The following KIRREL3 variants were observed in gnomAD, a reference collection of about 807,000 sequenced individuals.
KIRREL3 encodes the protein kirre like nephrin family adhesion molecule 3, also known as kin of IRRE-like protein 3.
Under a neutral mutation model 89.7 loss-of-function variants are expected in KIRREL3, and 36 were observed. The observed-to-expected ratio is 0.40, with a 90% CI of 0.31 to 0.53. KIRREL3 has a LOEUF of 0.53. Among genes scored for constraint, KIRREL3 ranks in the 20% least tolerant of loss-of-function variants. The probability of loss-of-function intolerance (pLI) is 0.49; values close to 1 mark genes in which losing one functional copy is unlikely to be tolerated. For synonymous variants in KIRREL3, 445 were observed against 441.4 expected (o/e 1.01, Z -0.10); for missense variants, 864 against 1,056.6 (o/e 0.82, Z 2.53).
At position 126,883,005 on chromosome 11, in the gene KIRREL3, C is replaced by A. The variant is rs1189527299; in HGVS notation, c.55+117450G>T. On this transcript the variant is annotated intron_variant, in intron 1 of 16. Transcript: ENST00000525144. This position sits in a 1 kb window ranked among gnomAD's most constrained non-coding sequence, Gnocchi z 4.1. The stretch of plus-strand genomic sequence containing the variant: ...TGCCTGCTGAGCCCCTCTGCCAGTA[C>A]TCTAACTTCAATGGATGTGCATGAT... Among the ~76,000 whole-genome samples, 1 of 152,206 alleles carries A rather than the reference C, an allele frequency of 6.6e-6. No individual in the cohort carries two copies. Among genetic ancestry groups the A allele is most frequent in the Non-Finnish European group, 1.5e-5 (1 of 68,046 alleles).
At position 126,985,801 on chromosome 11, in the gene KIRREL3, C is replaced by G. The variant is rs528159681; in HGVS notation, c.55+14654G>C. 6.6e-6 allele frequency among the ~76,000 whole-genome samples: 1 copy of G among 152,302 alleles called. No individual in the cohort carries two copies. Among genetic ancestry groups the G allele is most frequent in the South Asian group, 2.1e-4 (1 of 4,822 alleles). On this transcript the variant is annotated intron_variant, in intron 1 of 16. Transcript: ENST00000525144. This position sits in a 1 kb window ranked among gnomAD's most constrained non-coding sequence, Gnocchi z 5.3. ...GCAAAGCTGATGATTTGGTTATTGT[C>G]ACAGCGGAGCTACTGACATAGTTCA...
chr11:126,824,771 A>C (rs1333001000), intron 1 of KIRREL3, among the ~76,000 whole-genome samples: 1 of 152,326 alleles, frequency 6.6e-6, no homozygotes, highest in Non-Finnish European at 1.5e-5. Flanking sequence ...CCTGAGAGGA[A>C]GCAATCAGAT....
chr11:127,000,738 G>A lies in KIRREL3; in HGVS notation c.-229C>T. ...CCGCCTCGGGAAGCCGGGATTGTCA[G>A]CAATGTCCCCACTCGGAGAAGATCC... On this transcript the variant is annotated 5_prime_UTR_variant, in exon 1 of 17. Transcript: ENST00000525144. The surrounding 1 kb of genome is among the most constrained non-coding windows in gnomAD (Gnocchi z 7.1). 2 of 538,842 alleles carry A rather than the reference G, an allele frequency of 3.7e-6. No individual in the cohort carries two copies. Among genetic ancestry groups the A allele is most frequent in the Admixed American group, 3.3e-5 (1 of 30,002 alleles). 33.4% of individuals were successfully genotyped at this position (538,842 alleles called of 1,614,324 possible).
At chr11:126,803,157 C>T (rs781540462) in intron 1 of KIRREL3, among the ~76,000 whole-genome samples, 15 of 152,170 alleles carry the variant, frequency 9.9e-5, no homozygotes, top group Non-Finnish European at 1.8e-4. Flanking sequence ...ACTGATTAAA[C>T]GCAACATATG....
In KIRREL3 at chr11:126,892,233, G is replaced by A. The variant is rs1164407751; in HGVS notation, c.55+108222C>T. The stretch of plus-strand genomic sequence containing the variant: ...AGCTAAGAGGGGCTGCCATGCCTGA[G>A]GGTGGTCCCTGCCTGCTCTGTTTTC... On this transcript the variant is annotated intron_variant, in intron 1 of 16. Transcript: ENST00000525144. This position sits in a 1 kb window ranked among gnomAD's most constrained non-coding sequence, Gnocchi z 5.4. Among the ~76,000 whole-genome samples the A allele has an allele frequency of 6.6e-6, 1 of 152,146 alleles. No individual in the cohort carries two copies. The highest frequency in any genetic ancestry group is 1.5e-5 in the Non-Finnish European group (1 of 68,026).
chr11:126,841,211 CA>C (rs1440874735), intron 1 of KIRREL3, among the ~76,000 whole-genome samples: 15 of 152,194 alleles, frequency 9.9e-5, no homozygotes, highest in Non-Finnish European at 1.8e-4. Context: ...TGTCCTCTTG[CA>C]TATTCTGTTC....
chr11:126,945,130 T>G (rs1948580520), intron 1 of KIRREL3: 1 of 152,268 alleles, frequency 6.6e-6, no homozygotes, highest in African/African-American at 2.4e-5. Flanking sequence ...GCTTTAGGTT[T>G]GCTTTGGCAA....
At chr11:126,552,324 G>T (rs1939329829) in intron 2 of KIRREL3, among the ~76,000 whole-genome samples, 1 of 152,080 alleles carries the variant, frequency 6.6e-6, no homozygotes, top group Non-Finnish European at 1.5e-5. Context: ...AGTTCCAAAC[G>T]AGTGGACTAT....
In KIRREL3 at chr11:126,923,236, TCTTCTTCTTC is replaced by T. The variant is rs1371886706; in HGVS notation, c.55+77209_55+77218del. Among the ~76,000 whole-genome samples the T allele has an allele frequency of 4.5e-4, 21 of 46,156 alleles. 6 individuals carry two copies. Among genetic ancestry groups the T allele is most frequent in the African/African-American group, 1.7e-3 (21 of 12,512 alleles). 30.3% of individuals were successfully genotyped at this position (46,156 alleles called of 152,430 possible). A position where few individuals can be genotyped will look rare whatever the true frequency, so the allele number is the denominator to read the frequency against. On this transcript the variant is annotated intron_variant, in intron 1 of 16. Transcript: ENST00000525144. Reference sequence around the variant, plus strand: ...TTCTTCTTCTTCTTCTTCTTCTTCTTCTTCTTCTTCTTCTTCTTCTTCTTCTTCTTCTCCT... The same window carrying T: ...TTCTTCTTCTTCTTCTTCTTCTTCTTTTCTTCTTCTTCTTCTTCTTCTCCT...
At chr11:126,478,712 T>C (rs1007173053) in intron 4 of KIRREL3, among the ~76,000 whole-genome samples, 1 of 152,108 alleles carries the variant, frequency 6.6e-6, no homozygotes, top group African/African-American at 2.4e-5. Context: ...TGTGTATACA[T>C]GTGTATGGGT....
At chr11:126,928,704 A>G (rs191230710) in intron 1 of KIRREL3, among the ~76,000 whole-genome samples, 86 of 152,328 alleles carry the variant, frequency 5.6e-4, no homozygotes, top group African/African-American at 1.9e-3. Flanking sequence ...GTTTTAATGG[A>G]CATAAGGAAC....
chr11:126,429,729 T>A lies in KIRREL3; in HGVS notation c.1697-441A>T, dbSNP rs1457413116. Among the ~76,000 whole-genome samples, 1 of 152,108 alleles carries A rather than the reference T, an allele frequency of 6.6e-6. No homozygotes were observed. The highest frequency in any genetic ancestry group is 1.9e-4 in the East Asian group (1 of 5,190). Reference sequence around the variant, plus strand: ...TCAAAGTGCCCATGGCCAACCCCCATCCAAAGAGAAACGCCCCTGAGGCAG... The same window carrying A: ...TCAAAGTGCCCATGGCCAACCCCCAACCAAAGAGAAACGCCCCTGAGGCAG... On this transcript the variant is annotated intron_variant, in intron 14 of 16. Coordinates refer to ENST00000525144, the MANE Select transcript of KIRREL3 (RefSeq NM_032531.4). The surrounding 1 kb of genome is among the most constrained non-coding windows in gnomAD (Gnocchi z 5.2).
chr11:126,749,629 G>A (rs1438225431), intron 1 of KIRREL3, among the ~76,000 whole-genome samples: 1 of 136,002 alleles, frequency 7.4e-6, no homozygotes, highest in East Asian at 3.4e-4. Flanking sequence ...CCCCACCCCA[G>A]CAAAAAGTCC....
In KIRREL3 at chr11:126,892,854, G is replaced by C. The variant is rs1204407651; in HGVS notation, c.55+107601C>G. Among the ~76,000 whole-genome samples, 1 of 152,172 alleles carries C rather than the reference G, an allele frequency of 6.6e-6. No homozygotes were observed. Among genetic ancestry groups the C allele is most frequent in the Non-Finnish European group, 1.5e-5 (1 of 68,032 alleles). ...CAAGAGAGGACAAAAGAGAGGCTCGGGTAGAGCTTATCTAGTGGATGAACC... is the reference window on the plus strand; with the variant it reads ...CAAGAGAGGACAAAAGAGAGGCTCGCGTAGAGCTTATCTAGTGGATGAACC... On this transcript the variant is annotated intron_variant, in intron 1 of 16. Coordinates refer to ENST00000525144, the MANE Select transcript of KIRREL3 (RefSeq NM_032531.4). The surrounding 1 kb of genome is among the most constrained non-coding windows in gnomAD (Gnocchi z 5.4).
chr11:126,945,828 G>A (rs573795633), intron 1 of KIRREL3, among the ~76,000 whole-genome samples: 1 of 152,154 alleles, frequency 6.6e-6, no homozygotes, highest in African/African-American at 2.4e-5. Flanking sequence ...GCTAAGAGTT[G>A]CCCTGTTGGA....
chr11:126,745,666 A>G (rs10736554), intron 1 of KIRREL3, among the ~76,000 whole-genome samples: 131,983 of 152,240 alleles, frequency 0.87, 57,398 homozygotes, highest in East Asian at 1. Flanking sequence ...TTCAGGTAGT[A>G]TCAGGTGGTC....
intron 2 of KIRREL3, among the ~76,000 whole-genome samples, chr11:126,540,337 T>C (rs1282716914): frequency 6.6e-6 from 1 of 152,160 alleles, no homozygotes; most frequent in Non-Finnish European, 1.5e-5. Context: ...CAGGGCTGGA[T>C]GAGGGGGTGG....
rs1298886294 is a variant in KIRREL3, at chr11:126,558,553, G to A, written c.133+4282C>T. ...GCCACTTCATATGGGCCCCGGGCAA[G>A]TTGCTGCATGCTCTTGGGCCATGCT... is the stretch of plus-strand genomic sequence containing the variant. On this transcript the variant is annotated intron_variant, in intron 2 of 16. Transcript: ENST00000525144. The surrounding 1 kb of genome is among the most constrained non-coding windows in gnomAD (Gnocchi z 4.0). Among the ~76,000 whole-genome samples, 3 of 152,210 alleles carry A rather than the reference G, an allele frequency of 2.0e-5. No individual in the cohort carries two copies. Among genetic ancestry groups the A allele is most frequent in the African/African-American group, 7.2e-5 (3 of 41,460 alleles).
chr11:126,572,462 G>A (rs940125130), intron 1 of KIRREL3, among the ~76,000 whole-genome samples: 4 of 152,182 alleles, frequency 2.6e-5, no homozygotes, highest in African/African-American at 9.7e-5. Context: ...TTAGAACCCA[G>A]GCCCATTTGG....
Sources: gnomAD v4.1 joint callset for allele counts (sites outside exome capture counted in the v4.1 genomes callset) on GRCh38, gnomAD v4.1.1 for gene constraint, Gnocchi (gnomAD v3.1) non-coding constraint, MANE v1.5 for transcripts, NCBI Gene and HGNC (gene_info 2026-07-23, HGNC 2026-07-21) for gene names.